Variants in HEPH observed in about 807,000 individuals in gnomAD.
HEPH encodes hephaestin.
Under a neutral mutation model 80.8 loss-of-function variants are expected in HEPH, and 69 were observed. The ratio of observed to expected loss-of-function variants is 0.85; its 90% CI spans 0.70 to 1.04. The LOEUF is 1.04. HEPH is among the 50% of genes least tolerant of loss of function. The pLI, the probability that HEPH is intolerant of heterozygous loss-of-function variation, is 0.00. For missense variants in HEPH, 1,115 were observed against 891.3 expected, an observed-to-expected ratio of 1.25 and a Z score of -3.20; for synonymous variants, 431 against 322.8, an observed-to-expected ratio of 1.34 and a Z score of -3.60.
intron 4 of HEPH, among the ~76,000 whole-genome samples, chrX:66,181,617 A>C (rs764704731): frequency 0.21 from 2,603 of 12,464 alleles, 387 homozygotes; most frequent in African/African-American, 0.42. Flanking sequence ...TCAGATGAGT[A>C]GGTTGCGAAA....
chrX:66,247,910 T>C (rs999502651), intron 15 of HEPH, among the ~76,000 whole-genome samples: 1 of 111,984 alleles, frequency 8.9e-6, no homozygotes, highest in Admixed American at 9.5e-5. Flanking sequence ...TAAATTAAGT[T>C]CCTCAGTTAT....
intron 15 of HEPH, among the ~76,000 whole-genome samples, chrX:66,238,635 C>T (rs1254155878): frequency 9.0e-6 from 1 of 111,549 alleles, no homozygotes; most frequent in Admixed American, 9.5e-5. Flanking sequence ...GATGGGTGTC[C>T]TTTTGTAGGT....
intron 19 of HEPH, 84 bp from the exon 20 acceptor site, chrX:66,263,560 C>A: frequency 9.6e-7 from 1 of 1,037,981 alleles, no homozygotes; most frequent in Non-Finnish European, 1.3e-6. Flanking sequence ...ATTTCTGCAA[C>A]CAATGTTGAC....
chrX:66,162,820 T>C, upstream of HEPH: 2 of 1,155,549 alleles, frequency 1.7e-6, no homozygotes, highest in South Asian at 1.9e-5. Flanking sequence ...GAGGAAAATG[T>C]GCCCAGCCTG....
At chrX:66,199,173 A>G in intron 11 of HEPH, 145 bp downstream of exon 11, 1 of 544,344 alleles carries the variant, frequency 1.8e-6, no homozygotes, top group Non-Finnish European at 3.0e-6. Flanking sequence ...GCTCAACCGA[A>G]CACAACAGAT....
At chrX:66,268,582 T>G (rs1337464576), downstream of HEPH, 1 of 111,754 alleles carries the variant, frequency 8.9e-6, no homozygotes, top group Non-Finnish European at 1.9e-5. Context: ...GGAATTCCAG[T>G]CAATTAATGG....
chrX:66,256,262 A>G lies in HEPH; in HGVS notation c.2828A>G (p.His943Arg), dbSNP rs746651579. 38 of 1,209,496 alleles carry G rather than the reference A, an allele frequency of 3.1e-5. No individual in the cohort carries two copies. Among genetic ancestry groups the G allele is most frequent in the Non-Finnish European group, 4.1e-5 (37 of 894,759 alleles). Residue 943 changes from histidine to arginine, a missense_variant, in exon 17 of 21, where the codon CAT becomes CGT. By Grantham distance (29) the His-to-Arg change is conservative (BLOSUM62 0). This residue lies in a region of HEPH where 716 missense variants were observed against 523.5 expected (regional missense o/e 1.37). Coordinates refer to ENST00000343002, the MANE Select transcript of HEPH (RefSeq NM_001367233.3). ...SWYLEENVAT[H>R]GSQDPGSINL... ...TATTTGGAGGAAAATGTGGCAACCCATGGGTCCCAGGATCCAGGCAGTATT... is the reference window on the plus strand; with the variant it reads ...TATTTGGAGGAAAATGTGGCAACCCGTGGGTCCCAGGATCCAGGCAGTATT...
At chrX:66,254,153 G>A in intron 15 of HEPH, among the ~76,000 whole-genome samples, 1 of 111,639 alleles carries the variant, frequency 9.0e-6, no homozygotes, top group East Asian at 2.8e-4. Context: ...AAGATGAATT[G>A]GAGGGGGCAA....
intron 15 of HEPH, among the ~76,000 whole-genome samples, chrX:66,252,060 G>A (rs2091023406): frequency 9.0e-6 from 1 of 111,702 alleles, no homozygotes; most frequent in African/African-American, 3.3e-5. Flanking sequence ...GACTATGGTG[G>A]TAGCAGTGGA....
chrX:66,220,493 G>A (rs898642311), intron 15 of HEPH, among the ~76,000 whole-genome samples: 69 of 111,244 alleles, frequency 6.2e-4, no homozygotes, highest in African/African-American at 2.3e-3. Flanking sequence ...GTACAGGAAG[G>A]GCCACTTTTC....
intron 19 of HEPH, among the ~76,000 whole-genome samples, chrX:66,261,619 T>C (rs2091368241): frequency 1.8e-5 from 2 of 110,021 alleles, no homozygotes; most frequent in South Asian, 8.0e-4. Flanking sequence ...TTGTCAGTCA[T>C]TGGCATTCTA....
chrX:66,219,663 A>G (rs1433984710), intron 15 of HEPH, among the ~76,000 whole-genome samples: 1 of 111,826 alleles, frequency 8.9e-6, no homozygotes, highest in Admixed American at 9.5e-5. Context: ...GGGGCCATGT[A>G]TCATCTTTTA....
chrX:66,233,199 G>T (rs1164877098), intron 15 of HEPH, among the ~76,000 whole-genome samples: 1 of 111,546 alleles, frequency 9.0e-6, no homozygotes, highest in African/African-American at 3.3e-5. Context: ...TGGCCAACTG[G>T]ATATATATGT....
chrX:66,178,468 G>C (rs1386017475), intron 4 of HEPH, among the ~76,000 whole-genome samples: 1 of 112,414 alleles, frequency 8.9e-6, no homozygotes, highest in Non-Finnish European at 1.9e-5. Flanking sequence ...CCAGTAATGG[G>C]ATGGCTGGGT....
At chrX:66,205,224 T>A (rs753837370) in intron 13 of HEPH, among the ~76,000 whole-genome samples, 12 of 111,916 alleles carry the variant, frequency 1.1e-4, no homozygotes, top group Non-Finnish European at 2.1e-4. Flanking sequence ...TCCCATCACA[T>A]AGGTAGTAAG....
chrX:66,261,099 G>GT (rs1183502871), intron 19 of HEPH, among the ~76,000 whole-genome samples: 1 of 110,837 alleles, frequency 9.0e-6, no homozygotes, highest in African/African-American at 3.3e-5. Context: ...TTTAGGCAGG[G>GT]TTTTGCCTAG....
At chrX:66,195,848 T>A (rs7059116) in intron 9 of HEPH, among the ~76,000 whole-genome samples, 8,390 of 111,490 alleles carry the variant, frequency 0.075, 766 homozygotes, top group African/African-American at 0.26. Flanking sequence ...CAGGAGAGAA[T>A]CTTAGAAGTG....
In HEPH at chrX:66,200,681, G is replaced by A. The variant is rs1402116187; in HGVS notation, c.2006G>A (p.Gly669Asp). Residue 669 changes from glycine (G) to aspartate (D), a missense_variant, in exon 12 of 21, where the codon GGC becomes GAC. Around this residue, in one of 3 missense-constraint regions of HEPH, gnomAD observed 716 missense variants for 523.5 expected, o/e 1.37. Coordinates refer to ENST00000343002, the MANE Select transcript of HEPH (RefSeq NM_001367233.3). ...CAGGGCAACACTGTGCAGCTTCAGG[G>A]CATGAGGAAGGGTGCAGCTATGCTC... ...MFQGNTVQLQGMRKGAAMLFP... is the reference protein window; with the variant it reads ...MFQGNTVQLQDMRKGAAMLFP... 1 of 1,211,532 alleles carries A rather than the reference G, an allele frequency of 8.3e-7. No individual in the cohort carries two copies. The highest frequency in any genetic ancestry group is 1.1e-6 in the Non-Finnish European group (1 of 895,443).
At chrX:66,223,831 C>A (rs1185114180) in intron 15 of HEPH, among the ~76,000 whole-genome samples, 2 of 111,874 alleles carry the variant, frequency 1.8e-5, no homozygotes, top group Admixed American at 1.9e-4. Flanking sequence ...ACACCTTGCA[C>A]ATAAACTTTT....
Sources: gnomAD v4.1 joint callset for allele counts (sites outside exome capture counted in the v4.1 genomes callset) on GRCh38, gnomAD v4.1.1 for gene constraint, gnomAD v4.1.1 regional missense constraint, MANE v1.5 for transcripts, NCBI Gene and HGNC (gene_info 2026-07-23, HGNC 2026-07-21) for gene names.